The following APOLD1 variants were observed in gnomAD, a reference collection of about 807,000 sequenced individuals.
APOLD1 encodes the protein apolipoprotein L domain-containing protein 1.
Under a neutral mutation model 15.3 loss-of-function variants are expected in APOLD1, and 22 were observed. The observed-to-expected ratio is 1.44, with a 90% CI of 1.03 to 2.05. APOLD1 has a LOEUF of 2.05. Ranked by LOEUF, APOLD1 falls within the 30% of genes most tolerant of loss-of-function variation. APOLD1 has a pLI of 0.00. For missense variants in APOLD1, 394 were observed against 353.5 expected, an observed-to-expected ratio of 1.11 and a Z score of -0.92; for synonymous variants, 190 against 167.4, an observed-to-expected ratio of 1.13 and a Z score of -1.04.
chr12:12,774,794 A>G (rs1947019708), intron 1 of APOLD1, among the ~76,000 whole-genome samples: 1 of 152,128 alleles, frequency 6.6e-6, no homozygotes, highest in African/African-American at 2.4e-5. Context: ...AGAACTGACG[A>G]TACTAAATTC....
At position 12,771,326 on chromosome 12, in the gene APOLD1, T is replaced by G. The variant is rs1377895865; in HGVS notation, c.97-15583T>G. On this transcript the variant is annotated intron_variant, in intron 1 of 1. Coordinates refer to the APOLD1 transcript ENST00000326765. ...TTTTATCTACCATTAGCAGGTGTCA[T>G]GCCTGGTGGCCCCCTTATGGCCATC... The G allele has an allele frequency of 2.6e-5, 6 of 232,800 alleles. No individual in the cohort carries two copies. The East Asian group carries it at 8.2e-4, about 32-fold the overall frequency. The allele number at this position is 232,800 out of a possible 1,614,324, so 14.4% of individuals were successfully genotyped here.
chr12:12,749,465 G>C (rs1946790837), intron 1 of APOLD1, among the ~76,000 whole-genome samples: 2 of 152,164 alleles, frequency 1.3e-5, no homozygotes, highest in Non-Finnish European at 2.9e-5. Context: ...CCAGCAGATG[G>C]GCAATTGGCT....
At chr12:12,751,087 C>T (rs976373501) in intron 1 of APOLD1, among the ~76,000 whole-genome samples, 1 of 151,926 alleles carries the variant, frequency 6.6e-6, no homozygotes, top group Non-Finnish European at 1.5e-5. Context: ...CCACGCCTGG[C>T]CCCTGAAATA....
At chr12:12,728,726 G>T (rs1946614597) in intron 1 of APOLD1, among the ~76,000 whole-genome samples, 1 of 147,526 alleles carries the variant, frequency 6.8e-6, no homozygotes, top group African/African-American at 2.5e-5. Flanking sequence ...AGAAAGATTG[G>T]AAACTCCAAT....
chr12:12,782,203 G>A (rs1947086398), upstream of APOLD1, among the ~76,000 whole-genome samples: 1 of 152,038 alleles, frequency 6.6e-6, no homozygotes, highest in Non-Finnish European at 1.5e-5. Flanking sequence ...AGGCTGCAGT[G>A]AGCCGAGATC....
In APOLD1 at chr12:12,787,072, A is replaced by G; in HGVS notation, c.167A>G (p.Asn56Ser). 1 of 1,394,234 alleles carries G rather than the reference A, an allele frequency of 7.2e-7. No homozygotes were observed. Among genetic ancestry groups the G allele is most frequent in the Non-Finnish European group, 9.2e-7 (1 of 1,084,766 alleles). The allele number at this position is 1,394,234 out of a possible 1,614,324, so 86.4% of individuals were successfully genotyped here. A position where few individuals can be genotyped will look rare whatever the true frequency, so the allele number is the denominator to read the frequency against. The change falls in exon 2 of 2, where the codon AAC becomes AGC. Residue 56 changes from asparagine (N) to serine (S), a missense_variant. Physicochemically the swap from Asn to Ser is conservative, Grantham distance 46 (BLOSUM62 1). Coordinates refer to ENST00000356591, the MANE Select transcript of APOLD1 (RefSeq NM_030817.3). The surrounding 1 kb of genome is among the most constrained non-coding windows in gnomAD (Gnocchi z 4.9). ...ERLRRRSLVA[N>S]VAGSSLSATG... is the part of the protein sequence containing the mutation. ...CTGCGCAGGCGCTCCCTCGTAGCCA[A>G]CGTGGCCGGCAGCTCGCTGAGCGCA...
chr12:12,748,738 T>C (rs759770068), intron 1 of APOLD1, among the ~76,000 whole-genome samples: 36 of 152,256 alleles, frequency 2.4e-4, no homozygotes, highest in Non-Finnish European at 1.0e-4. Flanking sequence ...CTTGGTATTG[T>C]GGGAGCCCTC....
chr12:12,760,218 C>T (rs1465389662), intron 1 of APOLD1, among the ~76,000 whole-genome samples: 2 of 151,922 alleles, frequency 1.3e-5, no homozygotes, highest in African/African-American at 4.8e-5. Context: ...CCCAGTTACT[C>T]AGGAGGCTGA....
At chr12:12,764,139 T>A (rs1946925868) in intron 1 of APOLD1, among the ~76,000 whole-genome samples, 3 of 152,114 alleles carry the variant, frequency 2.0e-5, no homozygotes, top group Admixed American at 6.5e-5. Flanking sequence ...ATTTTTGTAT[T>A]TTTAGTAGTG....
intron 1 of APOLD1, among the ~76,000 whole-genome samples, chr12:12,739,658 T>C (rs1159112411): frequency 1.3e-5 from 2 of 152,208 alleles, no homozygotes; most frequent in Non-Finnish European, 2.9e-5. Context: ...TTTTTCCTAG[T>C]GAACTTTTCA....
chr12:12,771,235 AT>A (rs879415835), intron 1 of APOLD1: 103 of 172,238 alleles, frequency 6.0e-4, no homozygotes, highest in Middle Eastern at 2.7e-3. Context: ...AACAGATAAC[AT>A]TTTTTTTTCA....
chr12:12,768,969 T>A (rs569640042), intron 1 of APOLD1, among the ~76,000 whole-genome samples: 275 of 152,242 alleles, frequency 1.8e-3, no homozygotes, highest in African/African-American at 6.4e-3. Context: ...AGCTCATGCC[T>A]GCAATCCCAG....
chr12:12,756,849 C>T (rs1375526758), intron 1 of APOLD1, among the ~76,000 whole-genome samples: 3 of 152,090 alleles, frequency 2.0e-5, no homozygotes, highest in South Asian at 2.1e-4. Context: ...TGCAATGGCA[C>T]GATCTCGGCT....
chr12:12,776,968 T>C (rs1947040440), intron 1 of APOLD1, among the ~76,000 whole-genome samples: 5 of 152,330 alleles, frequency 3.3e-5, no homozygotes, highest in Middle Eastern at 3.4e-3. Flanking sequence ...CAAAATTATA[T>C]TCATCTGAAG....
chr12:12,746,020 G>A (rs1946762289), intron 1 of APOLD1, among the ~76,000 whole-genome samples: 1 of 152,064 alleles, frequency 6.6e-6, no homozygotes, highest in South Asian at 2.1e-4. Flanking sequence ...TCCCCTGAAT[G>A]CCATGTGGTG....
upstream of APOLD1, among the ~76,000 whole-genome samples, chr12:12,785,341 C>A (rs1454633936): frequency 6.6e-6 from 1 of 152,160 alleles, no homozygotes; most frequent in Admixed American, 6.5e-5. Flanking sequence ...CGTTTGAAGG[C>A]CTTCTCTATC....
At chr12:12,781,346 A>G (rs1947078088), upstream of APOLD1, among the ~76,000 whole-genome samples, 1 of 151,858 alleles carries the variant, frequency 6.6e-6, no homozygotes, top group African/African-American at 2.4e-5. Context: ...TGGGAGGCTG[A>G]GACAGGAGAA....
chr12:12,742,767 A>G (rs1227882037), intron 1 of APOLD1, among the ~76,000 whole-genome samples: 1 of 151,286 alleles, frequency 6.6e-6, no homozygotes, highest in Non-Finnish European at 1.5e-5. Flanking sequence ...CCATCTAAAA[A>G]AAAAAAAAAA....
chr12:12,730,063 TGTGTGTGTGTGTGTGAGAGAGA>T (rs1386810323), intron 1 of APOLD1, among the ~76,000 whole-genome samples: 1,675 of 116,532 alleles, frequency 0.014, 40 homozygotes, highest in African/African-American at 0.06. Flanking sequence ...TGTGTGTGTG[TGTGTGTGTGTGTGTGAGAGAGA>T]GAGAGAGAGA....
Sources: gnomAD v4.1 joint callset for allele counts (sites outside exome capture counted in the v4.1 genomes callset) on GRCh38, gnomAD v4.1.1 for gene constraint, Gnocchi (gnomAD v3.1) non-coding constraint, MANE v1.5 for transcripts, NCBI Gene and HGNC (gene_info 2026-07-23, HGNC 2026-07-21) for gene names.